The following CTNS variants were observed in gnomAD, a reference collection of about 807,000 sequenced individuals.
The protein encoded by CTNS is cystinosin.
Under a neutral mutation model 43.7 loss-of-function variants are expected in CTNS, and 27 were observed. The observed-to-expected ratio is 0.62, with a 90% CI of 0.46 to 0.85. The LOEUF is 0.85. CTNS is among the 40% of genes least tolerant of loss of function. The pLI, the probability that CTNS is intolerant of heterozygous loss-of-function variation, is 0.00. For synonymous variants in CTNS, 187 were observed against 190.6 expected, an observed-to-expected ratio of 0.98 and a Z score of 0.16; for missense variants, 457 against 475.4, an observed-to-expected ratio of 0.96 and a Z score of 0.36.
At chr17:3,639,845 G>A (rs964421373) in intron 2 of CTNS, among the ~76,000 whole-genome samples, 1 of 152,024 alleles carries the variant, frequency 6.6e-6, no homozygotes, top group African/African-American at 2.4e-5. Context: ...AACTTTTGGA[G>A]AAAAAGAATC....
intron 2 of CTNS, among the ~76,000 whole-genome samples, chr17:3,638,827 G>C (rs2075605178): frequency 6.6e-6 from 1 of 152,324 alleles, no homozygotes; most frequent in South Asian, 2.1e-4. Flanking sequence ...ATACACGCAG[G>C]AGGGCAATTC....
chr17:3,660,719 C>T lies in CTNS; in HGVS notation c.*350C>T, dbSNP rs781685644. The T allele has an allele frequency of 1.9e-6, 3 of 1,613,570 alleles. No individual in the cohort carries two copies. Among genetic ancestry groups the T allele is most frequent in the South Asian group, 2.2e-5 (2 of 91,092 alleles). On this transcript the variant is annotated 3_prime_UTR_variant, in exon 12 of 12. Coordinates refer to ENST00000046640, the MANE Select transcript of CTNS (RefSeq NM_004937.3). ...CCCAAACTACCAGCGTTTCTGCAAG[C>T]AGCTTGAAGGGCTGACCTTGCAGCC...
rs1304039072 is a variant in CTNS, at chr17:3,661,654, T to C, written c.*1285T>C. ...GTGAAGGTCACTGACCCGAGAGCGC[T>C]GCGTGCTGACCCCACACTTCACTGG... On this transcript the variant is annotated 3_prime_UTR_variant, in exon 12 of 12. Coordinates refer to ENST00000046640, the MANE Select transcript of CTNS (RefSeq NM_004937.3). 1 of 152,268 alleles carries C rather than the reference T, an allele frequency of 6.6e-6. No homozygotes were observed. The highest frequency in any genetic ancestry group is 1.5e-5 in the Non-Finnish European group (1 of 68,072). 9.4% of individuals were successfully genotyped at this position (152,268 alleles called of 1,614,324 possible).
Position 3,660,922 on chromosome 17 carries a change from C to T in CTNS, c.*553C>T, listed in dbSNP as rs931921787. The T allele has an allele frequency of 2.7e-5, 23 of 855,152 alleles. No individual in the cohort carries two copies. Among genetic ancestry groups the T allele is most frequent in the African/African-American group, 5.0e-5 (3 of 59,642 alleles). 53.0% of individuals were successfully genotyped at this position (855,152 alleles called of 1,614,324 possible). ...TACTCTCTGTACATAACTCAGCGTC[C>T]GTGACTGCAGTAACAGCCAGCCCTA... is the stretch of plus-strand genomic sequence containing the variant. On this transcript the variant is annotated 3_prime_UTR_variant, in exon 12 of 12. Coordinates refer to ENST00000046640, the MANE Select transcript of CTNS (RefSeq NM_004937.3).
At chr17:3,655,424 A>G in intron 7 of CTNS, 72 bp downstream of exon 7, 3 of 1,594,482 alleles carry the variant, frequency 1.9e-6, no homozygotes, top group Admixed American at 1.7e-5. Context: ...AAGGCTGCCG[A>G]TAGCGCAGCC....
chr17:3,660,939 C>A lies in CTNS; in HGVS notation c.*570C>A. The A allele has an allele frequency of 2.8e-6, 2 of 720,770 alleles. No individual in the cohort carries two copies. The highest frequency in any genetic ancestry group is 4.6e-6 in the Non-Finnish European group (2 of 435,576). 44.6% of individuals were successfully genotyped at this position (720,770 alleles called of 1,614,324 possible). A position where few individuals can be genotyped will look rare whatever the true frequency, so the allele number is the denominator to read the frequency against. ...TCAGCGTCCGTGACTGCAGTAACAGCCAGCCCTACCCAGAGTATTTCTGAG... is the reference window on the plus strand; with the variant it reads ...TCAGCGTCCGTGACTGCAGTAACAGACAGCCCTACCCAGAGTATTTCTGAG... On this transcript the variant is annotated 3_prime_UTR_variant, in exon 12 of 12. Transcript: ENST00000046640.
In CTNS at chr17:3,660,780, T is replaced by G. The variant is rs1184063115; in HGVS notation, c.*411T>G. 6.2e-7 allele frequency: 1 copy of G among 1,612,164 alleles called. No individual in the cohort carries two copies. Among genetic ancestry groups the G allele is most frequent in the African/African-American group, 1.3e-5 (1 of 74,934 alleles). ...AGGGCACTTTGCTGCCACCGCTGCA[T>G]TCCCAGAGATCAAGCAGCCCGGTGC... On this transcript the variant is annotated 3_prime_UTR_variant, in exon 12 of 12. Coordinates refer to ENST00000046640, the MANE Select transcript of CTNS (RefSeq NM_004937.3).
At chr17:3,651,551 C>T (rs1401781586) in intron 5 of CTNS, among the ~76,000 whole-genome samples, 2 of 152,160 alleles carry the variant, frequency 1.3e-5, no homozygotes, top group East Asian at 3.8e-4. Context: ...GCAGGGGTTC[C>T]GAGGACTTGG....
At position 3,649,172 on chromosome 17, in the gene CTNS, G is replaced by A. The variant is rs150944035; in HGVS notation, c.225+241G>A. The stretch of plus-strand genomic sequence containing the variant: ...TCTGGGAATGTAAACGTTCTTACCG[G>A]GAGTGGTGGCTCACGCCTGTAATCC... On this transcript the variant is annotated intron_variant, in intron 5 of 11. Transcript: ENST00000046640. Among the ~76,000 whole-genome samples, 10 of 152,336 alleles carry A rather than the reference G, an allele frequency of 6.6e-5. No homozygotes were observed. The East Asian group carries it at 1.9e-3, about 29-fold the overall frequency.
chr17:3,648,905 ATT>A lies in CTNS; in HGVS notation c.200_201del (p.Ile67AsnfsTer4). On this transcript the variant is annotated frameshift_variant, in exon 5 of 12. Transcript: ENST00000046640. LOFTEE classifies it high-confidence loss of function. Reference protein sequence around the residue: ...TFEITFRSKNITILELPDEVV... With the variant: ...TFEITFRSKNXTILELPDEVV... ...TGAAATCACATTTCGTTCCAAAAAT[ATT>A]ACTATCCTTGAGCTCCCCGATGAAG... 6.2e-7 allele frequency: 1 copy of A among 1,613,724 alleles called. No homozygotes were observed. The highest frequency in any genetic ancestry group is 8.5e-7 in the Non-Finnish European group (1 of 1,179,610).
Position 3,660,942 on chromosome 17 carries a change from GCCCTA to G in CTNS, c.*577_*581del, listed in dbSNP as rs2076267168. ...GCGTCCGTGACTGCAGTAACAGCCAGCCCTACCCAGAGTATTTCTGAGCCATGAGG... is the reference window on the plus strand; with the variant it reads ...GCGTCCGTGACTGCAGTAACAGCCAGCCCAGAGTATTTCTGAGCCATGAGG... On this transcript the variant is annotated 3_prime_UTR_variant, in exon 12 of 12. Transcript: ENST00000046640. 2.8e-6 allele frequency: 2 copies of G among 704,516 alleles called. No homozygotes were observed. Among genetic ancestry groups the G allele is most frequent in the Admixed American group, 4.9e-5 (2 of 41,068 alleles). 43.6% of individuals were successfully genotyped at this position (704,516 alleles called of 1,614,324 possible).
At chr17:3,639,517 AGT>A (rs2075628113) in intron 2 of CTNS, among the ~76,000 whole-genome samples, 1 of 151,942 alleles carries the variant, frequency 6.6e-6, no homozygotes, top group Non-Finnish European at 1.5e-5. Flanking sequence ...AAAATACAAA[AGT>A]TAGCCGGGCA....
chr17:3,650,396 C>A, intron 5 of CTNS: 1 of 1,518,740 alleles, frequency 6.6e-7, no homozygotes, highest in East Asian at 2.5e-5. Context: ...GCAGGAGAAT[C>A]ACTTGAGCCC....
rs55716797 is a variant in CTNS at position 3,656,233 on chromosome 17, AC to A, written c.462-248del. Reference sequence around the variant, plus strand: ...TCCTTACCCACTGCCCTGCCCCTCCACCCCCCACCAGTCCTCACCCCCTGGG... The same window carrying A: ...TCCTTACCCACTGCCCTGCCCCTCCACCCCCACCAGTCCTCACCCCCTGGG... On this transcript the variant is annotated intron_variant, in intron 7 of 11. Coordinates refer to ENST00000046640, the MANE Select transcript of CTNS (RefSeq NM_004937.3). Among the ~76,000 whole-genome samples, 12 of 3,904 alleles carry A rather than the reference AC, an allele frequency of 3.1e-3. No homozygotes were observed. In the East Asian group the frequency reaches 0.048, roughly 16 times the overall value. The allele number at this position is 3,904 out of a possible 152,430, so 2.6% of individuals were successfully genotyped here.
In CTNS at chr17:3,655,669, C is replaced by A. The variant is rs9907296; in HGVS notation, c.461+317C>A. 0.036 allele frequency: 14,434 copies of A among 402,266 alleles called. 665 individuals carry two copies. The highest frequency in any genetic ancestry group is 0.15 in the African/African-American group (7,030 of 48,392). 24.9% of individuals were successfully genotyped at this position (402,266 alleles called of 1,614,324 possible). ...TCTCCTCTGCGCTGGGTCCATCCGA[C>A]CCTGGAGGATTGCGGCGTCAAGTCC... On this transcript the variant is annotated intron_variant, in intron 7 of 11. Transcript: ENST00000046640.
rs375940531 is a variant in CTNS at position 3,655,400 on chromosome 17, C to G, written c.461+48C>G. ...CAGGCTCTCTCGGGGCCCCTAGGAG[C>G]AGGGCGTTCCAGCAAGGCTGCCGAT... On this transcript the variant is annotated intron_variant, in intron 7 of 11. Coordinates refer to ENST00000046640, the MANE Select transcript of CTNS (RefSeq NM_004937.3). The G allele has an allele frequency of 1.3e-4, 206 of 1,611,624 alleles. No homozygotes were observed. The Middle Eastern group carries it at 1.4e-3, about 11-fold the overall frequency.
At chr17:3,645,429 T>A (rs1475938734) in intron 3 of CTNS, among the ~76,000 whole-genome samples, 2 of 152,120 alleles carry the variant, frequency 1.3e-5, no homozygotes, top group Admixed American at 6.5e-5. Flanking sequence ...TCTGAGAGGC[T>A]CTGGGTAGCA....
Position 3,661,697 on chromosome 17 carries a change from C to T in CTNS, c.*1328C>T, listed in dbSNP as rs939542042. Among the ~76,000 whole-genome samples, 3 of 152,276 alleles carry T rather than the reference C, an allele frequency of 2.0e-5. No individual in the cohort carries two copies. The highest frequency in any genetic ancestry group is 2.1e-4 in the South Asian group (1 of 4,828). On this transcript the variant is annotated 3_prime_UTR_variant, in exon 12 of 12. Coordinates refer to ENST00000046640, the MANE Select transcript of CTNS (RefSeq NM_004937.3). ...TTCACTGGGGAGCCCTCTTGGGTAG[C>T]GCGAGACGCCTACCCGCCCAGGGCC...
intron 9 of CTNS, chr17:3,657,530 G>A: frequency 4.3e-6 from 1 of 232,012 alleles, no homozygotes. Context: ...GAGAGTGAAG[G>A]TGGCCCACAT....
Sources: gnomAD v4.1 joint callset for allele counts (sites outside exome capture counted in the v4.1 genomes callset) on GRCh38, gnomAD v4.1.1 for gene constraint, MANE v1.5 for transcripts, NCBI Gene and HGNC (gene_info 2026-07-23, HGNC 2026-07-21) for gene names.